The following TTC28 variants were observed in gnomAD, a reference collection of about 807,000 sequenced individuals.
TTC28 encodes the protein tetratricopeptide repeat domain 28, also known as tetratricopeptide repeat protein 28.
Under a neutral mutation model 198.0 loss-of-function variants are expected in TTC28, and 61 were observed. The ratio of observed to expected loss-of-function variants is 0.31; its 90% CI spans 0.25 to 0.38. TTC28 has a LOEUF of 0.38. Ranked by LOEUF, TTC28 falls within the 10% of genes least tolerant of loss-of-function variation. The pLI is 1.00. For synonymous variants in TTC28, 1,171 were observed against 1,297.8 expected (o/e 0.90, Z 2.10); for missense variants, 2,678 against 3,164.0 (o/e 0.85, Z 3.69).
chr22:28,398,930 T>C (rs1296214153), intron 2 of TTC28, among the ~76,000 whole-genome samples: 1 of 152,134 alleles, frequency 6.6e-6, no homozygotes, highest in Non-Finnish European at 1.5e-5. Context: ...ATAACAGGAC[T>C]ACAATAACTG....
rs564190067 is a variant in TTC28 at position 28,578,037 on chromosome 22, C to T, written c.381+51515G>A. On this transcript the variant is annotated intron_variant, in intron 2 of 22. Transcript: ENST00000397906. ...TCTGGTTGTTTTGTGGTCTTCTCTT[C>T]CTTCTTTCCTTCCTTCCTATTTTCC... Among the ~76,000 whole-genome samples the T allele has an allele frequency of 2.6e-3, 396 of 151,980 alleles. 3 individuals carry two copies. The highest frequency in any genetic ancestry group is 0.02 in the Middle Eastern group (6 of 294).
chr22:28,590,041 A>C (rs1303518482), intron 2 of TTC28, among the ~76,000 whole-genome samples: 1 of 79,824 alleles, frequency 1.3e-5, no homozygotes, highest in African/African-American at 2.9e-5. Flanking sequence ...CATCAAAAAA[A>C]AAAAAAAAAA....
intron 5 of TTC28, among the ~76,000 whole-genome samples, chr22:28,280,641 A>G (rs943988726): frequency 1.3e-5 from 2 of 152,246 alleles, no homozygotes; most frequent in African/African-American, 2.4e-5. Flanking sequence ...CCTGGCCAAG[A>G]AATCTTTTAT....
chr22:28,380,996 A>G (rs2046485200), intron 2 of TTC28, among the ~76,000 whole-genome samples: 2 of 152,068 alleles, frequency 1.3e-5, no homozygotes, highest in African/African-American at 4.8e-5. Flanking sequence ...ATGAATTCCT[A>G]CAGGAAGGGG....
At chr22:28,238,733 C>G (rs941660678) in intron 5 of TTC28, among the ~76,000 whole-genome samples, 1 of 152,082 alleles carries the variant, frequency 6.6e-6, no homozygotes, top group African/African-American at 2.4e-5. Context: ...TGTTCAACTC[C>G]CAGGTAGTTG....
intron 1 of TTC28, among the ~76,000 whole-genome samples, chr22:28,661,795 TG>T (rs1164441504): frequency 6.6e-6 from 1 of 152,130 alleles, no homozygotes; most frequent in Non-Finnish European, 1.5e-5. Context: ...TTAGTGGAGA[TG>T]GGGTCTCACC....
chr22:28,087,380 C>T (rs1345815987), intron 12 of TTC28, among the ~76,000 whole-genome samples: 4 of 152,052 alleles, frequency 2.6e-5, no homozygotes, highest in Non-Finnish European at 5.9e-5. Flanking sequence ...TAAATGTAAT[C>T]CAGTATATAA....
chr22:28,403,115 A>G (rs2046942832), intron 2 of TTC28, among the ~76,000 whole-genome samples: 1 of 152,198 alleles, frequency 6.6e-6, no homozygotes, highest in Non-Finnish European at 1.5e-5. Flanking sequence ...CTGTTAATTA[A>G]GCAAACCAGG....
intron 2 of TTC28, among the ~76,000 whole-genome samples, chr22:28,462,792 T>G (rs1568959390): frequency 6.6e-6 from 1 of 152,140 alleles, no homozygotes; most frequent in Non-Finnish European, 1.5e-5. Context: ...CAGAATCACC[T>G]AGATGGCTTA....
At chr22:28,601,915 C>T (rs763801532) in intron 2 of TTC28, among the ~76,000 whole-genome samples, 17 of 151,264 alleles carry the variant, frequency 1.1e-4, no homozygotes, top group Non-Finnish European at 2.1e-4. Flanking sequence ...ATATATTCTG[C>T]CTTATTCCTA....
chr22:28,595,600 T>C (rs1025872855), intron 2 of TTC28, among the ~76,000 whole-genome samples: 1 of 152,184 alleles, frequency 6.6e-6, no homozygotes, highest in African/African-American at 2.4e-5. Flanking sequence ...ATTCAGTCAT[T>C]TGTTGAACAA....
chr22:28,114,800 A>G (rs975975373), intron 6 of TTC28, among the ~76,000 whole-genome samples: 2 of 152,136 alleles, frequency 1.3e-5, no homozygotes, highest in African/African-American at 4.8e-5. Flanking sequence ...TGCCCAGGCT[A>G]GTCTCAAACT....
At chr22:28,427,215 A>AT (rs1251621609) in intron 2 of TTC28, among the ~76,000 whole-genome samples, 2 of 152,202 alleles carry the variant, frequency 1.3e-5, no homozygotes, top group Non-Finnish European at 2.9e-5. Flanking sequence ...TTTTAGTAAC[A>AT]TTTTATAATT....
intron 6 of TTC28, among the ~76,000 whole-genome samples, chr22:28,124,600 A>G (rs1942871783): frequency 6.6e-6 from 1 of 152,226 alleles, no homozygotes; most frequent in African/African-American, 2.4e-5. Context: ...AAGCCCAGGA[A>G]GTCTGATTCT....
chr22:28,343,413 C>A (rs576394813), intron 2 of TTC28, among the ~76,000 whole-genome samples: 14 of 151,986 alleles, frequency 9.2e-5, no homozygotes, highest in African/African-American at 3.4e-4. Flanking sequence ...GCCTGTAATC[C>A]CAGCCACTTG....
At chr22:28,508,271 T>A (rs982867351) in intron 2 of TTC28, among the ~76,000 whole-genome samples, 1 of 151,938 alleles carries the variant, frequency 6.6e-6, no homozygotes, top group Admixed American at 6.6e-5. Context: ...CAAAACACAC[T>A]TTATTTATTT....
Position 27,993,615 on chromosome 22 carries a change from C to T in TTC28, c.5245-97G>A, listed in dbSNP as rs1419142657. ...CACAAAGCCCCAGGGTGAAGCCAGG[C>T]TGACTGCTGCAACCCCACATAGCCC... On this transcript the variant is annotated intron_variant, in intron 17 of 22. Transcript: ENST00000397906. 3 of 1,265,442 alleles carry T rather than the reference C, an allele frequency of 2.4e-6. No individual in the cohort carries two copies. The Admixed American group carries it at 7.8e-5, about 33-fold the overall frequency. 78.4% of individuals were successfully genotyped at this position (1,265,442 alleles called of 1,614,324 possible).
At chr22:28,191,940 A>G (rs142971613) in intron 5 of TTC28, among the ~76,000 whole-genome samples, 2,372 of 152,290 alleles carry the variant, frequency 0.016, 81 homozygotes, top group African/African-American at 0.055. Flanking sequence ...TGAAGAGAGT[A>G]GTGGTTCTCC....
chr22:28,325,394 C>T (rs1247881707), intron 2 of TTC28, among the ~76,000 whole-genome samples: 2 of 151,894 alleles, frequency 1.3e-5, no homozygotes, highest in African/African-American at 4.8e-5. Context: ...TGCCAGTGGT[C>T]TATAATATTT....
Sources: gnomAD v4.1 joint callset for allele counts (sites outside exome capture counted in the v4.1 genomes callset) on GRCh38, gnomAD v4.1.1 for gene constraint, MANE v1.5 for transcripts, NCBI Gene and HGNC (gene_info 2026-07-23, HGNC 2026-07-21) for gene names.